SMUG1: variants seen among roughly 807,000 people sequenced by gnomAD.
The protein encoded by SMUG1 is single-strand selective monofunctional uracil DNA glycosylase.
A neutral mutation model predicts 23.9 loss-of-function variants in SMUG1; 13 were observed. The observed-to-expected ratio is 0.54, with a 90% CI of 0.35 to 0.86. The LOEUF is 0.86. Among genes scored for constraint, SMUG1 ranks in the 40% least tolerant of loss-of-function variants. The probability of loss-of-function intolerance (pLI) is 0.01; values close to 1 mark genes in which losing one functional copy is unlikely to be tolerated. For missense variants in SMUG1, 313 were observed against 339.5 expected, an observed-to-expected ratio of 0.92 and a Z score of 0.61; for synonymous variants, 133 against 139.8, an observed-to-expected ratio of 0.95 and a Z score of 0.34.
intron 2 of SMUG1, among the ~76,000 whole-genome samples, chr12:54,184,670 T>C (rs535253508): frequency 1.3e-5 from 2 of 152,314 alleles, no homozygotes; most frequent in Non-Finnish European, 2.9e-5. Flanking sequence ...ACCCACGCCA[T>C]CTTGCCTTAG....
At chr12:54,172,181 AGT>A in intron 2 of SMUG1, 2 of 430,652 alleles carry the variant, frequency 4.6e-6, no homozygotes, top group East Asian at 1.5e-4. Flanking sequence ...TGTTACTCGG[AGT>A]GTGAGTTTTA....
intron 3 of SMUG1, among the ~76,000 whole-genome samples, chr12:54,171,805 CA>C (rs1418678108): frequency 6.6e-6 from 1 of 152,080 alleles, no homozygotes; most frequent in Non-Finnish European, 1.5e-5. Flanking sequence ...ATACTACTCC[CA>C]AAACCAGCTC....
chr12:54,178,818 G>A (rs1230369933), downstream of SMUG1, among the ~76,000 whole-genome samples: 1 of 152,196 alleles, frequency 6.6e-6, no homozygotes, highest in Non-Finnish European at 1.5e-5. Flanking sequence ...GCAAAGTACT[G>A]TTTCTGGGTA....
downstream of SMUG1, among the ~76,000 whole-genome samples, chr12:54,179,846 T>C (rs369634617): frequency 3.3e-5 from 5 of 152,282 alleles, no homozygotes; most frequent in African/African-American, 1.2e-4. Context: ...TTACAAAAGA[T>C]ACAAATCAGA....
chr12:54,162,586 C>T (rs963424289), downstream of SMUG1: 2 of 152,180 alleles, frequency 1.3e-5, no homozygotes, highest in African/African-American at 2.4e-5. Context: ...TCAGTTCTCT[C>T]CTTCTCTAGT....
downstream of SMUG1, among the ~76,000 whole-genome samples, chr12:54,175,364 A>C (rs560243991): frequency 6.6e-6 from 1 of 152,254 alleles, no homozygotes; most frequent in East Asian, 1.9e-4. Context: ...TCCACTTCTC[A>C]TCTTCCATAG....
chr12:54,173,590 C>T (rs1333430223), intron 2 of SMUG1, among the ~76,000 whole-genome samples: 1 of 152,246 alleles, frequency 6.6e-6, no homozygotes, highest in African/African-American at 2.4e-5. Context: ...TCTCCAGCCT[C>T]ATCGCCGCGC....
downstream of SMUG1, among the ~76,000 whole-genome samples, chr12:54,178,468 G>A (rs1433017054): frequency 1.3e-5 from 2 of 152,048 alleles, no homozygotes; most frequent in Non-Finnish European, 2.9e-5. Context: ...CCAACTCTAG[G>A]CTTTCAACCA....
At chr12:54,179,607 G>A (rs939693351), downstream of SMUG1, among the ~76,000 whole-genome samples, 2 of 152,114 alleles carry the variant, frequency 1.3e-5, no homozygotes, top group Admixed American at 6.5e-5. Flanking sequence ...GCTAACTACA[G>A]GGAGTTAGTG....
chr12:54,186,302 G>A (rs1364818912), intron 2 of SMUG1, among the ~76,000 whole-genome samples: 4 of 151,972 alleles, frequency 2.6e-5, no homozygotes, highest in African/African-American at 9.6e-5. Flanking sequence ...ACACAAGTAG[G>A]TCCCGTGTGA....
chr12:54,187,270 C>T (rs1366432453), intron 2 of SMUG1: 2 of 152,140 alleles, frequency 1.3e-5, no homozygotes, highest in Admixed American at 6.5e-5. Context: ...CACAACAGCT[C>T]GATAAACCTA....
downstream of SMUG1, chr12:54,180,302 G>A (rs1159368940): frequency 1.3e-5 from 2 of 152,268 alleles, no homozygotes; most frequent in Non-Finnish European, 2.9e-5. Flanking sequence ...GACCTGCCAC[G>A]AAAAACAAAG....
intron 4 of SMUG1, among the ~76,000 whole-genome samples, chr12:54,159,375 C>T (rs1940160122): frequency 6.6e-6 from 1 of 152,096 alleles, no homozygotes; most frequent in Non-Finnish European, 1.5e-5. Flanking sequence ...GGGGAGGCCT[C>T]GGGCTGGGGA....
In SMUG1 at chr12:54,186,389, C is replaced by A. The variant is rs569157586; in HGVS notation, c.-20+1430G>T. On this transcript the variant is annotated intron_variant, in intron 2 of 3. Coordinates refer to ENST00000682136, the MANE Select transcript of SMUG1 (RefSeq NM_001243787.2). The stretch of plus-strand genomic sequence containing the variant: ...ACAGAATCTTGCTCTGTCGCCCAGA[C>A]TGGAGTGCAGTGGCGCGATCTCAGC... Among the ~76,000 whole-genome samples the A allele has an allele frequency of 2.5e-4, 38 of 151,108 alleles. No homozygotes were observed. In the South Asian group the frequency reaches 6.9e-3, roughly 27 times the overall value.
In SMUG1 at chr12:54,181,632, T is replaced by A; in HGVS notation, c.*464A>T. On this transcript the variant is annotated 3_prime_UTR_variant, in exon 4 of 4. Transcript: ENST00000682136. Reference sequence around the variant, plus strand: ...AGTTCACTCTTAATTTCATGTCCCATGCTTTGTCTTGGTCCCTGTGAGGAA... The same window carrying A: ...AGTTCACTCTTAATTTCATGTCCCAAGCTTTGTCTTGGTCCCTGTGAGGAA... 2 of 1,588,422 alleles carry A rather than the reference T, an allele frequency of 1.3e-6. No homozygotes were observed. Among genetic ancestry groups the A allele is most frequent in the Non-Finnish European group, 1.7e-6 (2 of 1,174,988 alleles).
chr12:54,170,139 G>A (rs750466729), intron 3 of SMUG1, among the ~76,000 whole-genome samples: 6 of 151,818 alleles, frequency 4.0e-5, no homozygotes, highest in African/African-American at 9.7e-5. Flanking sequence ...CAGAGTTTGC[G>A]GTCCGGCGAG....
At chr12:54,176,509 C>CCCCCT (rs756730187), downstream of SMUG1, among the ~76,000 whole-genome samples, 1 of 98,104 alleles carries the variant, frequency 1.0e-5, no homozygotes, top group South Asian at 4.7e-4. Context: ...AGATCCTGTC[C>CCCCCT]CCCCCCAAAA....
chr12:54,174,936 T>C (rs1940717285), intron 2 of SMUG1: 1 of 152,250 alleles, frequency 6.6e-6, no homozygotes, highest in Non-Finnish European at 1.5e-5. Context: ...CAACCTTGAC[T>C]GGTGAGCATG....
At chr12:54,165,111 C>T (rs968502731) in intron 4 of SMUG1, 3 of 152,210 alleles carry the variant, frequency 2.0e-5, no homozygotes, top group African/African-American at 4.8e-5. Context: ...ATTCTCTCAT[C>T]TTCTCATGTC....
Sources: allele counts gnomAD v4.1 joint callset (sites outside exome capture counted in the v4.1 genomes callset), GRCh38; gene constraint gnomAD v4.1.1; transcripts MANE v1.5; gene names NCBI Gene and HGNC (gene_info 2026-07-23, HGNC 2026-07-21).